The following SH3RF3 variants were observed in gnomAD, a reference collection of about 807,000 sequenced individuals.
SH3RF3 encodes SH3 domain containing ring finger 3.
In SH3RF3, 29 loss-of-function variants were observed where a neutral mutation model predicts 66.3. The ratio of observed to expected loss-of-function variants is 0.44; its 90% CI spans 0.33 to 0.60. SH3RF3 has a LOEUF of 0.60. Among genes scored for constraint, SH3RF3 ranks in the 20% least tolerant of loss-of-function variants. The pLI, the probability that SH3RF3 is intolerant of heterozygous loss-of-function variation, is 0.04. For synonymous variants in SH3RF3, 583 were observed against 532.0 expected (o/e 1.10, Z -1.32); for missense variants, 1,194 against 1,190.9 (o/e 1.00, Z -0.04).
intron 8 of SH3RF3, among the ~76,000 whole-genome samples, chr2:109,457,573 C>T (rs1678095567): frequency 6.6e-6 from 1 of 152,236 alleles, no homozygotes; most frequent in South Asian, 2.1e-4. Context: ...GCTGAACAAG[C>T]AAGCGATGCG....
intron 1 of SH3RF3, among the ~76,000 whole-genome samples, chr2:109,196,747 C>T (rs961772150): frequency 1.3e-5 from 2 of 152,150 alleles, no homozygotes; most frequent in African/African-American, 2.4e-5. Flanking sequence ...CCACATGCCC[C>T]GTGGCCTTCT....
chr2:109,358,590 T>C (rs994392599), intron 2 of SH3RF3, among the ~76,000 whole-genome samples: 28 of 152,352 alleles, frequency 1.8e-4, no homozygotes, highest in African/African-American at 6.3e-4. Context: ...TTTGGTGAAG[T>C]GTCTTCTTTG....
At chr2:109,211,869 T>C (rs1310968197) in intron 1 of SH3RF3, among the ~76,000 whole-genome samples, 2 of 152,162 alleles carry the variant, frequency 1.3e-5, no homozygotes, top group Non-Finnish European at 2.9e-5. Flanking sequence ...TTTCAAACTC[T>C]GGACCACAGG....
chr2:109,489,194 C>G (rs549677647), intron 8 of SH3RF3, among the ~76,000 whole-genome samples: 11 of 152,376 alleles, frequency 7.2e-5, no homozygotes, highest in African/African-American at 2.6e-4. Flanking sequence ...GGCACAGGCT[C>G]TGAATGCAGT....
intron 5 of SH3RF3, among the ~76,000 whole-genome samples, chr2:109,432,130 A>G (rs746666842): frequency 3.9e-4 from 59 of 152,304 alleles, no homozygotes; most frequent in Middle Eastern, 3.4e-3. Flanking sequence ...GAAGAGGAAA[A>G]CACTGGAAAT....
intron 1 of SH3RF3, among the ~76,000 whole-genome samples, chr2:109,294,975 G>A (rs1681274662): frequency 6.6e-6 from 1 of 152,240 alleles, no homozygotes; most frequent in Admixed American, 6.5e-5. Context: ...TGTTCATTCA[G>A]GGCTCATGGT....
At chr2:109,281,857 C>T (rs533006022) in intron 1 of SH3RF3, among the ~76,000 whole-genome samples, 1 of 152,266 alleles carries the variant, frequency 6.6e-6, no homozygotes, top group African/African-American at 2.4e-5. Flanking sequence ...AGACCCCCAG[C>T]GGGCTAGAGC....
intron 1 of SH3RF3, among the ~76,000 whole-genome samples, chr2:109,337,772 A>G (rs1682458225): frequency 6.6e-6 from 1 of 151,614 alleles, no homozygotes. Context: ...CTGTCACCCA[A>G]ACTGGACTGC....
At chr2:109,237,938 T>C (rs1456635096) in intron 1 of SH3RF3, among the ~76,000 whole-genome samples, 3 of 152,206 alleles carry the variant, frequency 2.0e-5, no homozygotes, top group African/African-American at 7.2e-5. Flanking sequence ...GCCACCAAAT[T>C]AAAATGGTTT....
At chr2:109,300,783 C>T (rs1681447023) in intron 1 of SH3RF3, among the ~76,000 whole-genome samples, 1 of 152,228 alleles carries the variant, frequency 6.6e-6, no homozygotes, top group Admixed American at 6.5e-5. Context: ...CACCTCCTTT[C>T]TCAGAAGTGA....
At chr2:109,457,544 A>G (rs940648991) in intron 8 of SH3RF3, among the ~76,000 whole-genome samples, 1 of 152,262 alleles carries the variant, frequency 6.6e-6, no homozygotes, top group African/African-American at 2.4e-5. Flanking sequence ...GTGAAATCCT[A>G]CACTCTAGTG....
At position 109,487,761 on chromosome 2, in the gene SH3RF3, T is replaced by G. The variant is rs537923472; in HGVS notation, c.2149-2844T>G. Among the ~76,000 whole-genome samples, 4 of 152,114 alleles carry G rather than the reference T, an allele frequency of 2.6e-5. No homozygotes were observed. In the South Asian group the frequency reaches 8.3e-4, roughly 32 times the overall value. ...AGCAAGAATCTGCCCACCGAGTCCC[T>G]CTCTACTCAGGGGCCAGAAGGGCTC... On this transcript the variant is annotated intron_variant, in intron 8 of 9. Transcript: ENST00000309415.
chr2:109,147,314 C>G (rs778315316), intron 1 of SH3RF3, among the ~76,000 whole-genome samples: 2 of 152,178 alleles, frequency 1.3e-5, no homozygotes, highest in Non-Finnish European at 1.5e-5. Flanking sequence ...AGAGGCACAT[C>G]AGGGAACCTC....
intron 8 of SH3RF3, among the ~76,000 whole-genome samples, chr2:109,488,027 C>A (rs1268020352): frequency 6.6e-6 from 1 of 152,224 alleles, no homozygotes; most frequent in African/African-American, 2.4e-5. Context: ...AGGCTAATTC[C>A]TTTTCCTTTG....
At chr2:109,203,845 C>G (rs1356402915) in intron 1 of SH3RF3, among the ~76,000 whole-genome samples, 2 of 152,146 alleles carry the variant, frequency 1.3e-5, no homozygotes, top group Non-Finnish European at 2.9e-5. Flanking sequence ...TGTGTGGGTG[C>G]CTCGCTACCT....
chr2:109,183,580 G>A (rs1185473738), intron 1 of SH3RF3, among the ~76,000 whole-genome samples: 3 of 138,862 alleles, frequency 2.2e-5, no homozygotes, highest in Middle Eastern at 3.3e-3. Flanking sequence ...TCACAATTCA[G>A]CCTTAACTTT....
At chr2:109,437,366 A>G (rs534185408) in intron 7 of SH3RF3, among the ~76,000 whole-genome samples, 1 of 151,790 alleles carries the variant, frequency 6.6e-6, no homozygotes, top group South Asian at 2.1e-4. Context: ...GAAGGTAAGC[A>G]CATCTTGTCA....
At chr2:109,430,744 T>A (rs544592714) in intron 5 of SH3RF3, among the ~76,000 whole-genome samples, 6 of 152,318 alleles carry the variant, frequency 3.9e-5, no homozygotes, top group Admixed American at 3.9e-4. Context: ...GCATTGAAAC[T>A]GTGAACGTGG....
At chr2:109,358,123 G>A (rs966517466) in intron 2 of SH3RF3, among the ~76,000 whole-genome samples, 1 of 152,126 alleles carries the variant, frequency 6.6e-6, no homozygotes, top group Non-Finnish European at 1.5e-5. Context: ...TTCCCAGAAC[G>A]TCATACGGTT....
Sources: allele counts gnomAD v4.1 joint callset (sites outside exome capture counted in the v4.1 genomes callset), GRCh38; gene constraint gnomAD v4.1.1; transcripts MANE v1.5; gene names NCBI Gene and HGNC (gene_info 2026-07-23, HGNC 2026-07-21).